Variants in SEMA5A observed in about 807,000 individuals in gnomAD.
The protein encoded by SEMA5A is semaphorin-5A.
Under a neutral mutation model 135.5 loss-of-function variants are expected in SEMA5A, and 55 were observed. That is an observed-to-expected ratio of 0.41 (90% CI 0.33 to 0.51). SEMA5A has a LOEUF of 0.51. SEMA5A is among the 20% of genes least tolerant of loss of function. The pLI is 0.37. For synonymous variants in SEMA5A, 580 were observed against 546.5 expected (o/e 1.06, Z -0.85); for missense variants, 1,290 against 1,419.9 (o/e 0.91, Z 1.47).
chr5:9,157,973 G>C (rs1299935351), intron 11 of SEMA5A, among the ~76,000 whole-genome samples: 1 of 152,154 alleles, frequency 6.6e-6, no homozygotes, highest in Non-Finnish European at 1.5e-5. Flanking sequence ...TAACTTACTT[G>C]TTTTGTGGTT....
At chr5:9,470,042 C>T (rs1430755520) in intron 1 of SEMA5A, among the ~76,000 whole-genome samples, 6 of 152,262 alleles carry the variant, frequency 3.9e-5, no homozygotes, top group South Asian at 4.1e-4. Context: ...GTAATTCCAA[C>T]GTCTGGACAT....
chr5:9,207,100 G>C (rs1216302803), intron 8 of SEMA5A, among the ~76,000 whole-genome samples: 1 of 9,384 alleles, frequency 1.1e-4, no homozygotes, highest in Non-Finnish European at 2.0e-4. Context: ...GAATGATCAA[G>C]TGTATATATA....
Position 9,197,292 on chromosome 5 carries a change from G to A in SEMA5A, c.944C>T (p.Ala315Val), listed in dbSNP as rs199625135. Residue 315 changes from alanine to valine, a missense_variant, in exon 10 of 23, where the codon GCG (alanine) becomes GTG (valine). Transcript: ENST00000382496. ...GIFTTNVNSI[A>V]ASAVCVFNLS... ...GTTGAAGACGCACACAGCTGAGGCC[G>A]CAATGCTGTTCCTGGGAGCGGAGGG... 5.6e-5 allele frequency: 90 copies of A among 1,612,348 alleles called. No homozygotes were observed. The highest frequency in any genetic ancestry group is 5.0e-4 in the Admixed American group (30 of 59,856).
intron 14 of SEMA5A, among the ~76,000 whole-genome samples, chr5:9,122,324 T>A (rs1048713726): frequency 2.0e-5 from 3 of 152,198 alleles, no homozygotes; most frequent in African/African-American, 7.2e-5. Flanking sequence ...TGTTATTATA[T>A]CCTACCCCTA....
intron 8 of SEMA5A, among the ~76,000 whole-genome samples, chr5:9,216,889 G>A (rs1746660174): frequency 6.6e-6 from 1 of 152,166 alleles, no homozygotes; most frequent in African/African-American, 2.4e-5. Flanking sequence ...ATGTGACACA[G>A]GTCTCTTGAA....
At chr5:9,391,985 G>C (rs1308362166) in intron 2 of SEMA5A, among the ~76,000 whole-genome samples, 2 of 152,230 alleles carry the variant, frequency 1.3e-5, no homozygotes, top group East Asian at 3.9e-4. Context: ...ACACACATAT[G>C]CACATGCACG....
At chr5:9,371,139 CT>C (rs1425469677) in intron 3 of SEMA5A, among the ~76,000 whole-genome samples, 1 of 152,134 alleles carries the variant, frequency 6.6e-6, no homozygotes, top group Non-Finnish European at 1.5e-5. Flanking sequence ...ATAATAAAAA[CT>C]ATCTCCCTAT....
chr5:9,404,899 T>C (rs2126581624), intron 2 of SEMA5A, among the ~76,000 whole-genome samples: 1 of 152,294 alleles, frequency 6.6e-6, no homozygotes, highest in South Asian at 2.1e-4. Context: ...TGCCCTCCTT[T>C]TGAAAAGTAT....
At chr5:9,265,237 C>T (rs998910347) in intron 5 of SEMA5A, among the ~76,000 whole-genome samples, 1 of 152,080 alleles carries the variant, frequency 6.6e-6, no homozygotes, top group African/African-American at 2.4e-5. Context: ...CCAGGAGGGT[C>T]TCCAACGGCC....
intron 1 of SEMA5A, among the ~76,000 whole-genome samples, chr5:9,470,559 G>C (rs767720652): frequency 1.3e-4 from 20 of 152,200 alleles, no homozygotes; most frequent in Non-Finnish European, 2.6e-4. Flanking sequence ...GCGCTGTCCA[G>C]TCTTCCTCCC....
chr5:9,407,796 G>A (rs192572683), intron 2 of SEMA5A, among the ~76,000 whole-genome samples: 1 of 152,076 alleles, frequency 6.6e-6, no homozygotes, highest in Non-Finnish European at 1.5e-5. Flanking sequence ...ATTCCTTTAA[G>A]CTCTGGATGG....
intron 17 of SEMA5A, among the ~76,000 whole-genome samples, chr5:9,065,202 T>C (rs149926038): frequency 1.9e-3 from 282 of 152,226 alleles, no homozygotes; most frequent in Middle Eastern, 3.4e-3. Context: ...GTGAGAGCAA[T>C]AGGATGAGGA....
chr5:9,448,733 T>C (rs1019731815), intron 1 of SEMA5A, among the ~76,000 whole-genome samples: 3 of 151,972 alleles, frequency 2.0e-5, no homozygotes, highest in Non-Finnish European at 4.4e-5. Flanking sequence ...CATCCTAACA[T>C]CCCTGCCTGC....
At chr5:9,182,743 G>A (rs148841586) in intron 11 of SEMA5A, among the ~76,000 whole-genome samples, 13 of 151,108 alleles carry the variant, frequency 8.6e-5, no homozygotes, top group South Asian at 2.1e-4. Flanking sequence ...ATACAATGGC[G>A]GATCCTGTAG....
chr5:9,181,341 C>G (rs1276830480), intron 11 of SEMA5A, among the ~76,000 whole-genome samples: 1 of 152,142 alleles, frequency 6.6e-6, no homozygotes, highest in Non-Finnish European at 1.5e-5. Flanking sequence ...GTGCCAAAAC[C>G]CCAAAGTCCT....
intron 2 of SEMA5A, among the ~76,000 whole-genome samples, chr5:9,390,365 T>G (rs1036613309): frequency 6.6e-6 from 1 of 152,174 alleles, no homozygotes; most frequent in Non-Finnish European, 1.5e-5. Context: ...GCACAGATAA[T>G]TCACTGGAAC....
Position 9,409,975 on chromosome 5 carries a change from T to TA in SEMA5A, c.-78+27780dup, listed in dbSNP as rs1178126869. The stretch of plus-strand genomic sequence containing the variant: ...CTATCCAGGCACAATGGAACCCTGA[T>TA]AAAAAATTTTATGTATCTTCTATGA... On this transcript the variant is annotated intron_variant, in intron 2 of 22. Coordinates refer to ENST00000382496, the MANE Select transcript of SEMA5A (RefSeq NM_003966.3). Among the ~76,000 whole-genome samples the TA allele has an allele frequency of 5.3e-5, 8 of 151,286 alleles. No individual in the cohort carries two copies. The South Asian group carries it at 8.4e-4, about 16-fold the overall frequency.
chr5:9,504,606 TAC>T (rs1471954187), intron 1 of SEMA5A, among the ~76,000 whole-genome samples: 1 of 152,212 alleles, frequency 6.6e-6, no homozygotes, highest in Non-Finnish European at 1.5e-5. Context: ...TCGTAGGACT[TAC>T]ACAGAGTGGT....
At chr5:9,157,848 C>T (rs1743041746) in intron 11 of SEMA5A, among the ~76,000 whole-genome samples, 1 of 152,216 alleles carries the variant, frequency 6.6e-6, no homozygotes, top group African/African-American at 2.4e-5. Flanking sequence ...CCGAAAAACC[C>T]CATAGATTTC....
Sources: gnomAD v4.1 joint callset for allele counts (sites outside exome capture counted in the v4.1 genomes callset) on GRCh38, gnomAD v4.1.1 for gene constraint, MANE v1.5 for transcripts, NCBI Gene and HGNC (gene_info 2026-07-23, HGNC 2026-07-21) for gene names.